The following GRID2 variants were observed in gnomAD, a reference collection of about 807,000 sequenced individuals.
GRID2 encodes the protein glutamate receptor ionotropic, delta-2.
Under a neutral mutation model 114.8 loss-of-function variants are expected in GRID2, and 33 were observed. The ratio of observed to expected loss-of-function variants is 0.29; its 90% CI spans 0.22 to 0.38. The LOEUF (loss-of-function observed/expected upper bound fraction) is 0.38. GRID2 is among the 10% of genes least tolerant of loss of function. GRID2 has a pLI of 1.00. For synonymous variants in GRID2, 505 were observed against 449.9 expected, an observed-to-expected ratio of 1.12 and a Z score of -1.55; for missense variants, 1,184 against 1,257.7, an observed-to-expected ratio of 0.94 and a Z score of 0.89.
chr4:93,259,699 A>T (rs1750035142), intron 8 of GRID2, among the ~76,000 whole-genome samples: 1 of 151,878 alleles, frequency 6.6e-6, no homozygotes, highest in African/African-American at 2.4e-5. Context: ...TGTAACGGTT[A>T]CATGTAAAGT....
intron 2 of GRID2, among the ~76,000 whole-genome samples, chr4:92,948,625 C>T (rs1751815158): frequency 6.6e-6 from 1 of 151,660 alleles, no homozygotes; most frequent in Admixed American, 6.6e-5. Flanking sequence ...ATATGTGATC[C>T]AAAATGCAAT....
chr4:93,062,214 A>G (rs946150493), intron 2 of GRID2, among the ~76,000 whole-genome samples: 9 of 152,290 alleles, frequency 5.9e-5, no homozygotes, highest in African/African-American at 2.2e-4. Context: ...ACATCTAAAT[A>G]TAAAATATGC....
chr4:93,042,677 A>C (rs548395828), intron 2 of GRID2, among the ~76,000 whole-genome samples: 128 of 143,972 alleles, frequency 8.9e-4, no homozygotes, highest in Middle Eastern at 3.6e-3. Context: ...CTCTCTATAT[A>C]TCTATATATA....
At chr4:93,334,496 T>C (rs1758827122) in intron 8 of GRID2, among the ~76,000 whole-genome samples, 1 of 152,214 alleles carries the variant, frequency 6.6e-6, no homozygotes, top group Admixed American at 6.5e-5. Context: ...GAAATTATGA[T>C]GTGTTATTAG....
At chr4:92,633,077 A>G (rs776008168) in intron 2 of GRID2, among the ~76,000 whole-genome samples, 4 of 152,146 alleles carry the variant, frequency 2.6e-5, no homozygotes, top group Non-Finnish European at 4.4e-5. Flanking sequence ...TGCAGCACCC[A>G]AGTCCCACAG....
intron 1 of GRID2, among the ~76,000 whole-genome samples, chr4:92,425,936 A>T (rs2110332368): frequency 6.6e-6 from 1 of 152,216 alleles, no homozygotes; most frequent in South Asian, 2.1e-4. Context: ...CAGGAAAATT[A>T]TCCTCTATCT....
chr4:92,943,800 C>G (rs1391321151), intron 2 of GRID2, among the ~76,000 whole-genome samples: 2 of 152,174 alleles, frequency 1.3e-5, no homozygotes, highest in Admixed American at 6.5e-5. Flanking sequence ...TTCTAACAGT[C>G]AGGACCCTCA....
chr4:93,162,901 A>T (rs1737813644), intron 4 of GRID2, among the ~76,000 whole-genome samples: 1 of 151,958 alleles, frequency 6.6e-6, no homozygotes, highest in South Asian at 2.1e-4. Flanking sequence ...AATGAAGAGA[A>T]AAGAGAAGGG....
At chr4:93,339,196 T>C (rs1415733312) in intron 8 of GRID2, among the ~76,000 whole-genome samples, 3 of 152,210 alleles carry the variant, frequency 2.0e-5, no homozygotes, top group African/African-American at 2.4e-5. Flanking sequence ...ATGGGTTGAA[T>C]TGTGTCTCCT....
chr4:93,016,238 T>C (rs1722697474), intron 2 of GRID2, among the ~76,000 whole-genome samples: 1 of 151,994 alleles, frequency 6.6e-6, no homozygotes, highest in Middle Eastern at 3.4e-3. Context: ...ATAGAAAATA[T>C]CATTAAATAG....
At chr4:92,752,457 A>G (rs1025537016) in intron 2 of GRID2, among the ~76,000 whole-genome samples, 2 of 152,208 alleles carry the variant, frequency 1.3e-5, no homozygotes, top group African/African-American at 2.4e-5. Flanking sequence ...ATGGATTCTT[A>G]GCAAAATAAG....
At chr4:92,980,559 T>G (rs1338133439) in intron 2 of GRID2, among the ~76,000 whole-genome samples, 1 of 152,074 alleles carries the variant, frequency 6.6e-6, no homozygotes, top group Non-Finnish European at 1.5e-5. Context: ...ATATTTGTTG[T>G]TATGTAGTAG....
At chr4:93,058,325 TTACAG>T (rs1357907174) in intron 2 of GRID2, among the ~76,000 whole-genome samples, 1 of 151,988 alleles carries the variant, frequency 6.6e-6, no homozygotes, top group Admixed American at 6.6e-5. Flanking sequence ...TAGCTATACT[TTACAG>T]TAAAGTGACT....
intron 1 of GRID2, among the ~76,000 whole-genome samples, chr4:92,427,720 T>C (rs755987140): frequency 4.9e-4 from 75 of 152,176 alleles, no homozygotes; most frequent in Non-Finnish European, 9.4e-4. Flanking sequence ...TTGGTTTCAG[T>C]TGGTTAAGTT....
chr4:92,711,010 C>T (rs1735218781), intron 2 of GRID2, among the ~76,000 whole-genome samples: 1 of 151,406 alleles, frequency 6.6e-6, no homozygotes, highest in African/African-American at 2.4e-5. Flanking sequence ...TAAATCTTAT[C>T]TATAAATTTT....
At chr4:92,767,602 C>T (rs1264525770) in intron 2 of GRID2, among the ~76,000 whole-genome samples, 1 of 152,004 alleles carries the variant, frequency 6.6e-6, no homozygotes, top group Non-Finnish European at 1.5e-5. Context: ...AATACAAAAA[C>T]TAGCTGGGCA....
rs367855535 is a variant in GRID2 at position 92,658,779 on chromosome 4, ATGTG to A, written c.244+68505_244+68508del. Reference sequence around the variant, plus strand: ...AACTACAATGAATGTGTTTGCATGTATGTGTGTGTGTGTGTATATATATATATAT... The same window carrying A: ...AACTACAATGAATGTGTTTGCATGTATGTGTGTGTGTATATATATATATAT... On this transcript the variant is annotated intron_variant, in intron 2 of 15. Transcript: ENST00000282020. Among the ~76,000 whole-genome samples the A allele has an allele frequency of 2.2e-4, 27 of 125,044 alleles. 1 individual carries two copies. The highest frequency in any genetic ancestry group is 3.4e-4 in the African/African-American group (12 of 35,180). The allele number at this position is 125,044 out of a possible 152,430, so 82.0% of individuals were successfully genotyped here.
chr4:93,679,846 C>T (rs1725326086), intron 14 of GRID2, among the ~76,000 whole-genome samples: 1 of 150,382 alleles, frequency 6.6e-6, no homozygotes, highest in Non-Finnish European at 1.5e-5. Flanking sequence ...AAATTGACAC[C>T]CTAACATCAC....
chr4:92,868,061 T>TG (rs879293509), intron 2 of GRID2, among the ~76,000 whole-genome samples: 460 of 140,246 alleles, frequency 3.3e-3, no homozygotes, highest in Non-Finnish European at 5.7e-3. Context: ...TCTTTCTTTC[T>TG]TTCTTTCTGT....
Sources: allele counts gnomAD v4.1 joint callset (sites outside exome capture counted in the v4.1 genomes callset), GRCh38; gene constraint gnomAD v4.1.1; transcripts MANE v1.5; gene names NCBI Gene and HGNC (gene_info 2026-07-23, HGNC 2026-07-21).